Variants in PPP2R2A observed in about 807,000 individuals in gnomAD.
PPP2R2A encodes protein phosphatase 2 regulatory subunit Balpha.
PPP2R2A carries 9 observed loss-of-function variants against 53.2 expected under a neutral mutation model. That is an observed-to-expected ratio of 0.17 (90% CI 0.10 to 0.30). The LOEUF (loss-of-function observed/expected upper bound fraction) is 0.30, where lower values mean the gene tolerates loss of function less well. PPP2R2A is among the 10% of genes least tolerant of loss of function. The pLI, the probability that PPP2R2A is intolerant of heterozygous loss-of-function variation, is 1.00. For synonymous variants in PPP2R2A, 169 were observed against 174.2 expected (o/e 0.97, Z 0.23); for missense variants, 235 against 534.6 (o/e 0.44, Z 5.53).
intron 2 of PPP2R2A, 21 bp downstream of exon 2, chr8:26,293,761 A>C (rs1412590080): frequency 3.7e-6 from 6 of 1,607,584 alleles, no homozygotes; most frequent in Non-Finnish European, 5.1e-6. Context: ...GTTTAATGCA[A>C]AATTTGGATA....
chr8:26,303,540 A>G (rs1266305189), intron 2 of PPP2R2A, among the ~76,000 whole-genome samples: 1 of 152,222 alleles, frequency 6.6e-6, no homozygotes, highest in Non-Finnish European at 1.5e-5. Context: ...TTAACTACTG[A>G]AGGGAAGAGA....
chr8:26,339,056 G>GA, intron 3 of PPP2R2A, 69 bp downstream of exon 3: 1 of 1,155,022 alleles, frequency 8.7e-7, no homozygotes, highest in Non-Finnish European at 1.3e-6. Context: ...TTGCACTGGA[G>GA]AATCTCATCA....
chr8:26,311,732 T>C lies in PPP2R2A; in HGVS notation c.82+17992T>C, dbSNP rs536971203. Among the ~76,000 whole-genome samples the C allele has an allele frequency of 6.6e-5, 10 of 152,316 alleles. No homozygotes were observed. The East Asian group carries it at 1.9e-3, about 29-fold the overall frequency. On this transcript the variant is annotated intron_variant, in intron 2 of 9. Coordinates refer to ENST00000380737, the MANE Select transcript of PPP2R2A (RefSeq NM_002717.4). ...GACAACAGAAATTCAAGCTTCTTTT[T>C]TTCTCTCTTGTTTTCCCTTTTTTCT... is the stretch of plus-strand genomic sequence containing the variant.
At chr8:26,348,313 A>C (rs1420153988) in intron 3 of PPP2R2A, among the ~76,000 whole-genome samples, 1 of 152,218 alleles carries the variant, frequency 6.6e-6, no homozygotes. Context: ...GGAGAAAGTT[A>C]GTACAGGTTG....
Position 26,352,214 on chromosome 8 carries a change from G to T in PPP2R2A, c.181-2254G>T, listed in dbSNP as rs149474570. Among the ~76,000 whole-genome samples the T allele has an allele frequency of 6.6e-5, 10 of 152,310 alleles. No individual in the cohort carries two copies. The East Asian group carries it at 1.7e-3, about 26-fold the overall frequency. Reference sequence around the variant, plus strand: ...TTTTTAAAACAAAAACATTGTGTTTGATTTTGATGCATTCTCATTTGAGTG... The same window carrying T: ...TTTTTAAAACAAAAACATTGTGTTTTATTTTGATGCATTCTCATTTGAGTG... On this transcript the variant is annotated intron_variant, in intron 3 of 9. Coordinates refer to ENST00000380737, the MANE Select transcript of PPP2R2A (RefSeq NM_002717.4).
intron 2 of PPP2R2A, among the ~76,000 whole-genome samples, chr8:26,310,814 A>T (rs1802257585): frequency 6.6e-6 from 1 of 152,146 alleles, no homozygotes. Flanking sequence ...CCATTCAGAA[A>T]AATCTTTTCC....
chr8:26,291,957 C>T (rs1801316206), intron 1 of PPP2R2A, 131 bp downstream of exon 1: 4 of 1,024,538 alleles, frequency 3.9e-6, no homozygotes, highest in Non-Finnish European at 3.9e-6. Context: ...GAGTAGGGTC[C>T]AGAGGGGTGG....
intron 3 of PPP2R2A, among the ~76,000 whole-genome samples, chr8:26,348,091 T>A (rs941767452): frequency 1.3e-5 from 2 of 152,202 alleles, no homozygotes; most frequent in Non-Finnish European, 2.9e-5. Context: ...CTATAAAATA[T>A]AAAACAAATG....
intron 2 of PPP2R2A, among the ~76,000 whole-genome samples, chr8:26,336,854 C>CTT (rs770199536): frequency 5.7e-5 from 8 of 141,386 alleles, no homozygotes; most frequent in African/African-American, 2.1e-4. Context: ...GTCAAAAGGC[C>CTT]TTTTTTTTTT....
At position 26,354,612 on chromosome 8, in the gene PPP2R2A, C is replaced by T; in HGVS notation, c.325C>T (p.Gln109Ter). 6.2e-7 allele frequency: 1 copy of T among 1,606,812 alleles called. No homozygotes were observed. Among genetic ancestry groups the T allele is most frequent in the Non-Finnish European group, 8.5e-7 (1 of 1,176,384 alleles). ...GTGGTTACCCCAGAAAAATGCTGCT[C>T]AGTTTTTATTGTCTACCAATGGTAA... Reference protein sequence around the residue: ...IRWLPQKNAAQFLLSTNDKTI... With the variant: ...IRWLPQKNAA Residue 109 changes from glutamine to a stop codon, truncating the protein, a stop_gained, in exon 4 of 10, where the codon CAG becomes TAG. Coordinates refer to ENST00000380737, the MANE Select transcript of PPP2R2A (RefSeq NM_002717.4). LOFTEE classifies it high-confidence loss of function. The surrounding 1 kb of genome is among the most constrained non-coding windows in gnomAD (Gnocchi z 4.6).
At chr8:26,341,588 G>T (rs1803945676) in intron 3 of PPP2R2A, among the ~76,000 whole-genome samples, 1 of 152,152 alleles carries the variant, frequency 6.6e-6, no homozygotes, top group African/African-American at 2.4e-5. Flanking sequence ...CAAAAATCAG[G>T]TTAGGATTTG....
intron 2 of PPP2R2A, among the ~76,000 whole-genome samples, chr8:26,323,550 G>A (rs1802945166): frequency 6.6e-6 from 1 of 152,086 alleles, no homozygotes; most frequent in Admixed American, 6.6e-5. Flanking sequence ...CTCCTTCTTG[G>A]GTTCGATTAA....
intron 9 of PPP2R2A, among the ~76,000 whole-genome samples, chr8:26,369,534 G>A (rs952098319): frequency 6.6e-6 from 1 of 152,160 alleles, no homozygotes; most frequent in African/African-American, 2.4e-5. Context: ...GGGACTACGG[G>A]TGCCTGCCAC....
At chr8:26,355,826 C>T (rs570900267) in intron 4 of PPP2R2A, among the ~76,000 whole-genome samples, 2 of 149,642 alleles carry the variant, frequency 1.3e-5, no homozygotes, top group South Asian at 2.1e-4. Flanking sequence ...GCCGAGATCG[C>T]GCCATTGCAC....
Position 26,338,840 on chromosome 8 carries a change from G to A in PPP2R2A, c.83-50G>A. 1 of 1,323,656 alleles carries A rather than the reference G, an allele frequency of 7.6e-7. No individual in the cohort carries two copies. The highest frequency in any genetic ancestry group is 1.1e-6 in the Non-Finnish European group (1 of 935,686). 82.0% of individuals were successfully genotyped at this position (1,323,656 alleles called of 1,614,324 possible). On this transcript the variant is annotated intron_variant, in intron 2 of 9. Coordinates refer to ENST00000380737, the MANE Select transcript of PPP2R2A (RefSeq NM_002717.4). This position sits in a 1 kb window ranked among gnomAD's most constrained non-coding sequence, Gnocchi z 4.5. ...ACACGCTAAGTTCTGAAACTAGTGA[G>A]TCGGGAAAGAAAAACTAATATCTTT...
rs1802850982 is a variant in PPP2R2A, at chr8:26,321,736, G to T, written c.83-17154G>T. Among the ~76,000 whole-genome samples, 1 of 152,204 alleles carries T rather than the reference G, an allele frequency of 6.6e-6. No homozygotes were observed. The highest frequency in any genetic ancestry group is 1.5e-5 in the Non-Finnish European group (1 of 68,048). On this transcript the variant is annotated intron_variant, in intron 2 of 9. Transcript: ENST00000380737. The surrounding 1 kb of genome is among the most constrained non-coding windows in gnomAD (Gnocchi z 4.1). Reference sequence around the variant, plus strand: ...CAGGCTTTCGGATACCTGCAACTTTGTGAGAGACCTTGAACGCAAGGCCCC... The same window carrying T: ...CAGGCTTTCGGATACCTGCAACTTTTTGAGAGACCTTGAACGCAAGGCCCC...
intron 2 of PPP2R2A, among the ~76,000 whole-genome samples, chr8:26,297,738 A>G (rs975293229): frequency 2.6e-5 from 4 of 152,198 alleles, no homozygotes; most frequent in Admixed American, 6.5e-5. Context: ...AAAACAGAAC[A>G]GTACCCAGCA....
intron 3 of PPP2R2A, among the ~76,000 whole-genome samples, chr8:26,340,888 A>G (rs983850776): frequency 6.6e-6 from 1 of 152,132 alleles, no homozygotes; most frequent in Non-Finnish European, 1.5e-5. Context: ...AGAAAATAAG[A>G]CAAAATTATT....
At chr8:26,343,637 T>G (rs946891302) in intron 3 of PPP2R2A, among the ~76,000 whole-genome samples, 1 of 152,162 alleles carries the variant, frequency 6.6e-6, no homozygotes, top group Admixed American at 6.5e-5. Flanking sequence ...CCACCCACCT[T>G]GGCCTCCCAA....
Sources: allele counts gnomAD v4.1 joint callset (sites outside exome capture counted in the v4.1 genomes callset), GRCh38; gene constraint gnomAD v4.1.1; non-coding constraint Gnocchi (gnomAD v3.1); transcripts MANE v1.5; gene names NCBI Gene and HGNC (gene_info 2026-07-23, HGNC 2026-07-21).